TRPM3: variants seen among roughly 807,000 people sequenced by gnomAD.
The protein encoded by TRPM3 is long transient receptor potential channel 3.
Under a neutral mutation model 181.2 loss-of-function variants are expected in TRPM3, and 77 were observed. That is an observed-to-expected ratio of 0.42 (90% CI 0.35 to 0.51). The LOEUF is 0.51. TRPM3 is among the 20% of genes least tolerant of loss of function. The probability of loss-of-function intolerance (pLI) is 0.01; values close to 1 mark genes in which losing one functional copy is unlikely to be tolerated. For missense variants in TRPM3, 1,759 were observed against 2,196.7 expected (o/e 0.80, Z 3.98); for synonymous variants, 745 against 796.4 (o/e 0.94, Z 1.09).
At chr9:70,990,041 A>G (rs2097462126) in intron 1 of TRPM3, among the ~76,000 whole-genome samples, 1 of 152,202 alleles carries the variant, frequency 6.6e-6, no homozygotes, top group Admixed American at 6.5e-5. Flanking sequence ...CTTTTGTACA[A>G]TGAGGAAACT....
At chr9:71,329,518 C>A (rs2132523269) in intron 1 of TRPM3, among the ~76,000 whole-genome samples, 1 of 152,204 alleles carries the variant, frequency 6.6e-6, no homozygotes, top group Non-Finnish European at 1.5e-5. Flanking sequence ...ACTAAAGGAG[C>A]TCTACTTTAT....
At chr9:71,124,909 AAC>A (rs2073938134), upstream of TRPM3, among the ~76,000 whole-genome samples, 3 of 152,222 alleles carry the variant, frequency 2.0e-5, no homozygotes, top group African/African-American at 7.2e-5. Flanking sequence ...ACACTAAAAT[AAC>A]AGTGTTGCAA....
intron 1 of TRPM3, among the ~76,000 whole-genome samples, chr9:71,189,492 C>T (rs1320755629): frequency 6.6e-6 from 1 of 151,736 alleles, no homozygotes; most frequent in Non-Finnish European, 1.5e-5. Flanking sequence ...ATTCTTTTGC[C>T]CCAAAGACAG....
chr9:71,301,188 G>A (rs961273773), intron 1 of TRPM3, among the ~76,000 whole-genome samples: 1 of 152,160 alleles, frequency 6.6e-6, no homozygotes, highest in African/African-American at 2.4e-5. Context: ...GATTGGGCAA[G>A]AGATCTCACC....
At chr9:70,845,704 TG>T (rs1366836270) in intron 4 of TRPM3, among the ~76,000 whole-genome samples, 5 of 152,200 alleles carry the variant, frequency 3.3e-5, no homozygotes, top group Non-Finnish European at 4.4e-5. Flanking sequence ...GACTTCAGGC[TG>T]GGGGAGTATG....
At chr9:71,402,114 CAA>C (rs1276795792) in intron 1 of TRPM3, among the ~76,000 whole-genome samples, 1 of 152,090 alleles carries the variant, frequency 6.6e-6, no homozygotes, top group African/African-American at 2.4e-5. Flanking sequence ...TTACTCATCG[CAA>C]ATTAGAAGCA....
In TRPM3 at chr9:71,121,050, C is replaced by G. The variant is rs1269438393; in HGVS notation, c.177+128G>C. 4.9e-6 allele frequency: 4 copies of G among 820,772 alleles called. No homozygotes were observed. The African/African-American group carries it at 5.1e-5, about 11-fold the overall frequency. 50.8% of individuals were successfully genotyped at this position (820,772 alleles called of 1,614,324 possible). The stretch of plus-strand genomic sequence containing the variant: ...AGTACTGAGAACCTCTCTCCAGCCA[C>G]GGACCACAGAGCCAGTACTGCATGC... On this transcript the variant is annotated intron_variant, in intron 1 of 25. Coordinates refer to ENST00000677713, the MANE Select transcript of TRPM3 (RefSeq NM_001366145.2).
At chr9:71,052,541 T>C (rs984211722) in intron 1 of TRPM3, among the ~76,000 whole-genome samples, 4 of 152,184 alleles carry the variant, frequency 2.6e-5, no homozygotes, top group African/African-American at 7.2e-5. Context: ...GCATGTTTCA[T>C]GACGTTTGCT....
chr9:71,168,568 A>G (rs1156264305), intron 1 of TRPM3, among the ~76,000 whole-genome samples: 5 of 28,592 alleles, frequency 1.7e-4, no homozygotes, highest in South Asian at 8.0e-4. Context: ...TTATTTATTT[A>G]TTTATTTTTG....
chr9:70,848,760 G>A lies in TRPM3; in HGVS notation c.463-2169C>T, dbSNP rs1279341060. On this transcript the variant is annotated intron_variant, in intron 3 of 25. Coordinates refer to ENST00000677713, the MANE Select transcript of TRPM3 (RefSeq NM_001366145.2). ...TGGGAGGCCGAGGCGGGCGGATCAC[G>A]AGGTCAGGAGATCGAGACCATCCTG... Among the ~76,000 whole-genome samples, 3 of 29,430 alleles carry A rather than the reference G, an allele frequency of 1.0e-4. 1 individual carries two copies. The highest frequency in any genetic ancestry group is 2.4e-4 in the Non-Finnish European group (3 of 12,538). 19.3% of individuals were successfully genotyped at this position (29,430 alleles called of 152,430 possible). A position where few individuals can be genotyped will look rare whatever the true frequency, so the allele number is the denominator to read the frequency against.
chr9:71,204,761 C>T (rs2079021720), intron 1 of TRPM3, among the ~76,000 whole-genome samples: 1 of 151,588 alleles, frequency 6.6e-6, no homozygotes, highest in Non-Finnish European at 1.5e-5. Flanking sequence ...GACACATGCA[C>T]ACGTATGTTT....
At chr9:71,369,678 G>C (rs765919093) in intron 1 of TRPM3, among the ~76,000 whole-genome samples, 1 of 152,128 alleles carries the variant, frequency 6.6e-6, no homozygotes, top group Non-Finnish European at 1.5e-5. Context: ...CACCGCGCCC[G>C]GCCGGGAACA....
At position 70,964,380 on chromosome 9, in the gene TRPM3, C is replaced by T. The variant is rs192727233; in HGVS notation, c.178-99869G>A. On this transcript the variant is annotated intron_variant, in intron 1 of 25. Transcript: ENST00000677713. ...TAACAGAAGAACCAGAGCTTAAAAA[C>T]TATGAGACATTTTGGTAAGTGGCAG... 6.9e-4 allele frequency among the ~76,000 whole-genome samples: 105 copies of T among 152,158 alleles called. 2 individuals are homozygous for T. The East Asian group carries it at 8.9e-3, about 13-fold the overall frequency.
At chr9:70,898,389 T>C (rs911856073) in intron 1 of TRPM3, among the ~76,000 whole-genome samples, 5 of 151,346 alleles carry the variant, frequency 3.3e-5, no homozygotes, top group African/African-American at 1.2e-4. Context: ...CCCAAAGTGC[T>C]GAGATTACAG....
At chr9:71,133,973 TTGTGTGTGTGTG>T (rs72198070) in intron 1 of TRPM3, among the ~76,000 whole-genome samples, 32,162 of 148,464 alleles carry the variant, frequency 0.22, 3,957 homozygotes, top group East Asian at 0.31. Flanking sequence ...CTGTGTGTGT[TTGTGTGTGTGTG>T]TGTGTGTGTG....
At chr9:70,805,206 G>A (rs1223295223) in intron 6 of TRPM3, among the ~76,000 whole-genome samples, 1 of 150,778 alleles carries the variant, frequency 6.6e-6, no homozygotes, top group East Asian at 1.9e-4. Context: ...AGGAGGGTGG[G>A]GTGAGAGAGA....
intron 1 of TRPM3, among the ~76,000 whole-genome samples, chr9:71,259,851 T>C (rs988225452): frequency 6.6e-6 from 1 of 152,186 alleles, no homozygotes; most frequent in African/African-American, 2.4e-5. Context: ...TTCACTCTGA[T>C]GATAGTCTCT....
rs755767887 is a variant in TRPM3 at position 71,395,567 on chromosome 9, A to G, written c.183+51086T>C. Among the ~76,000 whole-genome samples, 146 of 152,244 alleles carry G rather than the reference A, an allele frequency of 9.6e-4. 3 individuals carry two copies. The highest frequency in any genetic ancestry group is 2.8e-4 in the Non-Finnish European group (19 of 68,038). On this transcript the variant is annotated intron_variant, in intron 1 of 24. Transcript: ENST00000357533. ...AATTGACCGCAGCAGTATGGTTCTC[A>G]GGTAACATTGGTACCAAAATAAAAG...
At chr9:70,881,462 C>T (rs540203836) in intron 1 of TRPM3, among the ~76,000 whole-genome samples, 1 of 152,276 alleles carries the variant, frequency 6.6e-6, no homozygotes, top group East Asian at 1.9e-4. Flanking sequence ...TTCTGGGGCT[C>T]AGCCACAGCA....
Sources: gnomAD v4.1 joint callset for allele counts (sites outside exome capture counted in the v4.1 genomes callset) on GRCh38, gnomAD v4.1.1 for gene constraint, MANE v1.5 for transcripts, NCBI Gene and HGNC (gene_info 2026-07-23, HGNC 2026-07-21) for gene names.